The following ILDR1 variants were observed in gnomAD, a reference collection of about 807,000 sequenced individuals.
ILDR1 encodes the protein immunoglobulin like domain containing receptor 1.
In ILDR1, 56 loss-of-function variants were observed where a neutral mutation model predicts 62.4. The observed-to-expected ratio is 0.90, with a 90% CI of 0.72 to 1.12. The LOEUF (loss-of-function observed/expected upper bound fraction) is 1.12, where lower values mean the gene tolerates loss of function less well. Among genes scored for constraint, ILDR1 ranks in the 50% most tolerant of loss-of-function variants. ILDR1 has a pLI of 0.00. For missense variants in ILDR1, 736 were observed against 710.6 expected (o/e 1.04, Z -0.41); for synonymous variants, 284 against 277.8 (o/e 1.02, Z -0.22).
At chr3:122,011,903 C>A (rs945333554) in intron 1 of ILDR1, among the ~76,000 whole-genome samples, 2 of 152,114 alleles carry the variant, frequency 1.3e-5, no homozygotes, top group Non-Finnish European at 1.5e-5. Flanking sequence ...CACACCCCCA[C>A]GTGTCCAACA....
At chr3:122,060,842 C>T in the ILDR1 span, among the ~76,000 whole-genome samples, 5 of 151,942 alleles carry the variant, frequency 3.3e-5, no homozygotes, top group Admixed American at 3.3e-4. Context: ...AGAGGTAAAG[C>T]CTCTGGTGAA....
intron 5 of ILDR1, among the ~76,000 whole-genome samples, chr3:121,996,646 T>C (rs2071440662): frequency 6.6e-6 from 1 of 152,152 alleles, no homozygotes; most frequent in Admixed American, 6.5e-5. Context: ...TGGAGTAAAA[T>C]CTGCCTTAGT....
chr3:122,007,232 T>C, intron 1 of ILDR1, 71 bp from the exon 2 acceptor site: 1 of 1,607,876 alleles, frequency 6.2e-7, no homozygotes, highest in Non-Finnish European at 8.5e-7. Flanking sequence ...ACAATGCAAA[T>C]GGGCAAAAGA....
chr3:122,038,192 A>G, the ILDR1 span, among the ~76,000 whole-genome samples: 10 of 152,338 alleles, frequency 6.6e-5, no homozygotes, highest in Middle Eastern at 3.4e-3. Flanking sequence ...ACTTTCCCCC[A>G]CCATCATAAC....
the ILDR1 span, among the ~76,000 whole-genome samples, chr3:122,058,176 A>T: frequency 7.2e-5 from 11 of 152,342 alleles, no homozygotes; most frequent in East Asian, 2.1e-3. Flanking sequence ...TTTGTCCAAG[A>T]TTATACAACC....
intron 5 of ILDR1, among the ~76,000 whole-genome samples, chr3:121,996,573 A>G (rs1028039135): frequency 2.0e-5 from 3 of 152,236 alleles, no homozygotes; most frequent in African/African-American, 7.2e-5. Flanking sequence ...CAATAAAAGT[A>G]GGAAACCTGG....
chr3:122,022,138 C>A lies in ILDR1; in HGVS notation c.-61G>T. On this transcript the variant is annotated 5_prime_UTR_variant, in exon 1 of 8. Coordinates refer to ENST00000344209, the MANE Select transcript of ILDR1 (RefSeq NM_001199799.2). ...TTCGGGGCACTGCGTCTTTCTTCCT[C>A]AGCTGCCGCCCCAGGACGCACCACC... The A allele has an allele frequency of 7.0e-7, 1 of 1,432,804 alleles. No homozygotes were observed. The allele number at this position is 1,432,804 out of a possible 1,614,324, so 88.8% of individuals were successfully genotyped here.
the ILDR1 span, among the ~76,000 whole-genome samples, chr3:122,050,278 A>T: frequency 6.6e-6 from 1 of 152,178 alleles, no homozygotes; most frequent in Admixed American, 6.5e-5. Context: ...ATTGATAGAA[A>T]AGGGGTTACT....
At position 122,022,095 on chromosome 3, in the gene ILDR1, C is replaced by A. The variant is rs370545938; in HGVS notation, c.-18G>T. On this transcript the variant is annotated 5_prime_UTR_variant, in exon 1 of 8. Transcript: ENST00000344209. ...CATGCCATGCCGCCCCCTTTCTGGC[C>A]CTTTTCAGCTCAGGGGCTTCGGGGC... 4.4e-6 allele frequency: 7 copies of A among 1,595,332 alleles called. No individual in the cohort carries two copies. In the African/African-American group the frequency reaches 9.4e-5, roughly 21 times the overall value.
At chr3:122,003,619 G>C (rs1198739784) in intron 3 of ILDR1, among the ~76,000 whole-genome samples, 1 of 152,152 alleles carries the variant, frequency 6.6e-6, no homozygotes, top group Non-Finnish European at 1.5e-5. Context: ...AGGCAAAAAA[G>C]TGTCAGAAAA....
the ILDR1 span, among the ~76,000 whole-genome samples, chr3:122,030,750 C>CA: frequency 6.6e-6 from 1 of 151,950 alleles, no homozygotes; most frequent in African/African-American, 2.4e-5. Context: ...CGGTTAAGCT[C>CA]AATGAGGATC....
chr3:122,032,406 T>C, the ILDR1 span, among the ~76,000 whole-genome samples: 1 of 152,238 alleles, frequency 6.6e-6, no homozygotes, highest in Non-Finnish European at 1.5e-5. Flanking sequence ...TTGGCTATTA[T>C]GAATAATGAT....
Position 121,993,522 on chromosome 3 carries a change from A to T in ILDR1, c.1227T>A (p.Asn409Lys), listed in dbSNP as rs148486121. 2 of 1,614,202 alleles carry T rather than the reference A, an allele frequency of 1.2e-6. No individual in the cohort carries two copies. Among genetic ancestry groups the T allele is most frequent in the East Asian group, 4.5e-5 (2 of 44,886 alleles). The change falls in exon 7 of 8, where the codon AAT becomes AAA. Residue 409 changes from asparagine (N) to lysine (K), a missense_variant. By Grantham distance (94) the Asn-to-Lys change is moderately conservative. Transcript: ENST00000344209. The stretch of plus-strand genomic sequence containing the variant: ...TGTCTGACCAGTGTATGGGTGACCC[A>T]TTCAGCCTAGAGCTACGGTGCCTTC... Reference protein sequence around the residue: ...WSGRHRSSRLNGSPIHWSDRD... With the variant: ...WSGRHRSSRLKGSPIHWSDRD...
At chr3:122,042,004 G>A in the ILDR1 span, among the ~76,000 whole-genome samples, 1 of 134,200 alleles carries the variant, frequency 7.5e-6, no homozygotes, top group African/African-American at 2.8e-5. Flanking sequence ...CCATGCTGGT[G>A]CGCTGCACCC....
chr3:122,012,272 T>G (rs1164580205), intron 1 of ILDR1, among the ~76,000 whole-genome samples: 2 of 152,236 alleles, frequency 1.3e-5, no homozygotes, highest in Non-Finnish European at 2.9e-5. Context: ...GTAGTCATCC[T>G]GGTTGCAACT....
chr3:122,059,548 A>G, the ILDR1 span, among the ~76,000 whole-genome samples: 4 of 152,134 alleles, frequency 2.6e-5, no homozygotes, highest in South Asian at 4.1e-4. Flanking sequence ...AAAAAAAAAA[A>G]AAAGAAAGAA....
upstream of ILDR1, among the ~76,000 whole-genome samples, chr3:122,022,737 C>A (rs2071880211): frequency 6.6e-6 from 1 of 151,934 alleles, no homozygotes; most frequent in Non-Finnish European, 1.5e-5. Context: ...GCCTACATGG[C>A]GAAACCCTGT....
chr3:121,988,954 C>T (rs1448657862), intron 7 of ILDR1, among the ~76,000 whole-genome samples: 1 of 152,142 alleles, frequency 6.6e-6, no homozygotes, highest in Non-Finnish European at 1.5e-5. Context: ...TCTACTTGGT[C>T]TTTGGGCTTT....
the ILDR1 span, among the ~76,000 whole-genome samples, chr3:122,032,151 G>A: frequency 6.6e-6 from 1 of 152,178 alleles, no homozygotes; most frequent in South Asian, 2.1e-4. Flanking sequence ...TCTCCCCAAA[G>A]GTAACCACCA....
Sources: gnomAD v4.1 joint callset for allele counts (sites outside exome capture counted in the v4.1 genomes callset) on GRCh38, gnomAD v4.1.1 for gene constraint, MANE v1.5 for transcripts, NCBI Gene and HGNC (gene_info 2026-07-23, HGNC 2026-07-21) for gene names.